Variants in AP4S1 observed in about 807,000 individuals in gnomAD.
The protein encoded by AP4S1 is adaptor related protein complex 4 subunit sigma 1.
In AP4S1, 23 loss-of-function variants were observed where a neutral mutation model predicts 19.8. The ratio of observed to expected loss-of-function variants is 1.16; its 90% CI spans 0.84 to 1.65. The LOEUF is 1.65. Among genes scored for constraint, AP4S1 ranks in the 40% most tolerant of loss-of-function variants. The pLI is 0.00. For synonymous variants in AP4S1, 46 were observed against 54.1 expected, an observed-to-expected ratio of 0.85 and a Z score of 0.66; for missense variants, 166 against 172.8, an observed-to-expected ratio of 0.96 and a Z score of 0.22.
intron 1 of AP4S1, among the ~76,000 whole-genome samples, chr14:31,064,115 T>C (rs1236556202): frequency 6.6e-6 from 1 of 152,100 alleles, no homozygotes; most frequent in East Asian, 1.9e-4. Context: ...TACAACTGAG[T>C]TAGACATAAC....
intron 5 of AP4S1, chr14:31,083,693 G>A (rs1887782886): frequency 2.6e-6 from 1 of 382,568 alleles, no homozygotes; most frequent in African/African-American, 2.1e-5. Context: ...TATTTTTTGA[G>A]GAGATGGGGT....
chr14:31,089,405 T>A (rs932729954), intron 5 of AP4S1, among the ~76,000 whole-genome samples: 28 of 152,232 alleles, frequency 1.8e-4, no homozygotes, highest in African/African-American at 5.8e-4. Flanking sequence ...GAATATTTTT[T>A]AAAAAAAGAA....
chr14:31,079,369 GT>G (rs1277042583), intron 4 of AP4S1, among the ~76,000 whole-genome samples: 6 of 152,126 alleles, frequency 3.9e-5, no homozygotes, highest in African/African-American at 1.4e-4. Context: ...AATGTAAACT[GT>G]GGAATTTGGG....
chr14:31,038,380 A>C (rs190720698), intron 1 of AP4S1, among the ~76,000 whole-genome samples: 1 of 152,212 alleles, frequency 6.6e-6, no homozygotes, highest in African/African-American at 2.4e-5. Context: ...GTTGAGATCA[A>C]TTACAAGTAA....
At chr14:31,081,131 G>A (rs942153243) in intron 5 of AP4S1, among the ~76,000 whole-genome samples, 6 of 151,968 alleles carry the variant, frequency 3.9e-5, no homozygotes, top group South Asian at 2.1e-4. Context: ...GCAGGATAGC[G>A]CTATCATAGT....
At chr14:31,082,812 C>A (rs376475493) in intron 5 of AP4S1, among the ~76,000 whole-genome samples, 2 of 151,492 alleles carry the variant, frequency 1.3e-5, no homozygotes, top group African/African-American at 4.9e-5. Flanking sequence ...AGGAGAATGG[C>A]GTGAACCCGG....
Position 31,069,909 on chromosome 14 carries a change from G to T in AP4S1, c.205G>T (p.Val69Phe). The stretch of plus-strand genomic sequence containing the variant: ...GCAGTATGCAGCTCTCTTCATTGTG[G>T]TTGGAGTTAATGACACTGAGGTAAG... ...YRQYAALFIV[V>F]GVNDTENEMA... is the part of the protein sequence containing the mutation. The change falls in exon 3 of 6, where the codon GTT becomes TTT. Residue 69 changes from valine to phenylalanine, a missense_variant. Val to Phe is a conservative substitution (Grantham distance 50). Coordinates refer to ENST00000542754, the MANE Select transcript of AP4S1 (RefSeq NM_001128126.3). The T allele has an allele frequency of 6.2e-7, 1 of 1,613,088 alleles. No individual in the cohort carries two copies. Among genetic ancestry groups the T allele is most frequent in the Non-Finnish European group, 8.5e-7 (1 of 1,179,056 alleles).
intron 4 of AP4S1, chr14:31,073,242 G>A: frequency 2.7e-6 from 1 of 372,970 alleles, no homozygotes; most frequent in Non-Finnish European, 5.1e-6. Context: ...TGTAATCCCA[G>A]CACTTTGGGA....
intron 4 of AP4S1, 81 bp from the exon 5 acceptor site, chr14:31,080,492 G>T: frequency 8.3e-7 from 1 of 1,206,272 alleles, no homozygotes; most frequent in Non-Finnish European, 1.2e-6. Context: ...GGACGCAGAA[G>T]CCTCTTCAGT....
rs761055618 is a variant in AP4S1 at position 31,033,727 on chromosome 14, GA to G, written c.-72+7943del. On this transcript the variant is annotated intron_variant, in intron 1 of 5. Coordinates refer to ENST00000542754, the MANE Select transcript of AP4S1 (RefSeq NM_001128126.3). ...ATTGACTTTGGCTAAGAAAATTGTA[GA>G]AACACAGGCAGGGCACTTGAACCCT... Among the ~76,000 whole-genome samples, 148 of 152,176 alleles carry G rather than the reference GA, an allele frequency of 9.7e-4. 2 individuals carry two copies. Among genetic ancestry groups the G allele is most frequent in the Non-Finnish European group, 2.1e-4 (14 of 68,036 alleles).
At chr14:31,035,360 A>C (rs559777015) in intron 1 of AP4S1, among the ~76,000 whole-genome samples, 1 of 139,156 alleles carries the variant, frequency 7.2e-6, no homozygotes, top group Non-Finnish European at 1.5e-5. Context: ...ACACCCAGCT[A>C]ATTTTTGTAT....
intron 1 of AP4S1, among the ~76,000 whole-genome samples, chr14:31,033,296 C>G (rs1884519452): frequency 6.6e-6 from 1 of 152,130 alleles, no homozygotes; most frequent in Non-Finnish European, 1.5e-5. Flanking sequence ...TCACTGCAAC[C>G]TCTGCCTCCC....
chr14:31,080,274 G>C (rs554703836), intron 4 of AP4S1, among the ~76,000 whole-genome samples: 2 of 152,310 alleles, frequency 1.3e-5, no homozygotes, highest in African/African-American at 4.8e-5. Context: ...TAAGATCTCT[G>C]ATACACATAT....
chr14:31,060,301 G>A (rs1886366112), intron 1 of AP4S1, among the ~76,000 whole-genome samples: 1 of 152,200 alleles, frequency 6.6e-6, no homozygotes, highest in East Asian at 1.9e-4. Flanking sequence ...GGGGCCTACT[G>A]TGGGACTTGA....
chr14:31,026,940 A>G (rs2139386906), intron 1 of AP4S1: 1 of 152,432 alleles, frequency 6.6e-6, no homozygotes, highest in South Asian at 2.1e-4. Context: ...GGTTTCTTAG[A>G]ACCAGTCAGT....
chr14:31,056,745 T>A (rs1377446126), intron 1 of AP4S1, among the ~76,000 whole-genome samples: 1 of 152,162 alleles, frequency 6.6e-6, no homozygotes, highest in East Asian at 1.9e-4. Flanking sequence ...AATGACTGGA[T>A]CACTTCCAAA....
chr14:31,084,577 C>T (rs1460814106), intron 5 of AP4S1, among the ~76,000 whole-genome samples: 2 of 152,180 alleles, frequency 1.3e-5, no homozygotes, highest in East Asian at 1.9e-4. Context: ...GGACCAAGCA[C>T]GTCAGTGACC....
intron 1 of AP4S1, among the ~76,000 whole-genome samples, chr14:31,030,152 A>G (rs959674879): frequency 3.3e-5 from 5 of 151,812 alleles, no homozygotes; most frequent in Admixed American, 1.3e-4. Flanking sequence ...TGCCCAGCAA[A>G]TATTTTTGTA....
At chr14:31,080,644 G>A (rs1489499908) in intron 5 of AP4S1, 60 bp downstream of exon 5, 1 of 1,611,466 alleles carries the variant, frequency 6.2e-7, no homozygotes, top group Non-Finnish European at 8.5e-7. Context: ...GTCCTTATCA[G>A]GTAAGTACCA....
Sources: gnomAD v4.1 joint callset for allele counts (sites outside exome capture counted in the v4.1 genomes callset) on GRCh38, gnomAD v4.1.1 for gene constraint, MANE v1.5 for transcripts, NCBI Gene and HGNC (gene_info 2026-07-23, HGNC 2026-07-21) for gene names.